The following RPUSD4 variants were observed in gnomAD, a reference collection of about 807,000 sequenced individuals.
RPUSD4 encodes pseudouridylate synthase RPUSD4, mitochondrial.
Under a neutral mutation model 35.4 loss-of-function variants are expected in RPUSD4, and 37 were observed. The observed-to-expected ratio is 1.04, with a 90% CI of 0.80 to 1.37. RPUSD4 has a LOEUF of 1.37. Among genes scored for constraint, RPUSD4 ranks in the 40% most tolerant of loss-of-function variants. RPUSD4 has a pLI of 0.00. For missense variants in RPUSD4, 507 were observed against 484.9 expected, an observed-to-expected ratio of 1.05 and a Z score of -0.43; for synonymous variants, 210 against 192.7, an observed-to-expected ratio of 1.09 and a Z score of -0.74.
intron 3 of RPUSD4, among the ~76,000 whole-genome samples, chr11:126,207,567 GAC>G (rs979150384): frequency 1.3e-5 from 2 of 152,230 alleles, no homozygotes; most frequent in African/African-American, 2.4e-5. Context: ...ACCTGGGCCA[GAC>G]ACAGTGGCTC....
chr11:126,203,261 C>G lies in RPUSD4; in HGVS notation c.*157G>C. ...CCCTGTAGCAGCTGAGTTGCTTTAC[C>G]TTATCCCACCTGGCTCTTACGCAGT... On this transcript the variant is annotated 3_prime_UTR_variant, in exon 7 of 7. Coordinates refer to ENST00000298317, the MANE Select transcript of RPUSD4 (RefSeq NM_032795.3). 1.8e-6 allele frequency: 2 copies of G among 1,091,602 alleles called. No individual in the cohort carries two copies. The highest frequency in any genetic ancestry group is 2.6e-6 in the Non-Finnish European group (2 of 763,392). The allele number at this position is 1,091,602 out of a possible 1,614,324, so 67.6% of individuals were successfully genotyped here. A position where few individuals can be genotyped will look rare whatever the true frequency, so the allele number is the denominator to read the frequency against.
chr11:126,209,722 C>T lies in RPUSD4; in HGVS notation c.356G>A (p.Gly119Asp). 1 of 1,611,360 alleles carries T rather than the reference C, an allele frequency of 6.2e-7. No individual in the cohort carries two copies. Among genetic ancestry groups the T allele is most frequent in the Non-Finnish European group, 8.5e-7 (1 of 1,179,094 alleles). ...INKPYGLPVH[G>D]GPGVQLCITD... is the part of the protein sequence containing the mutation. ...GATGCAGAGCTGGACCCCAGGGCCA[C>T]CTAAGAAGGAAAAAGCCAAAGGTTT... Residue 119 changes from glycine (G) to aspartate (D), a missense_variant and splice_region_variant, in exon 3 of 7, where the codon GGT becomes GAT. Gly to Asp is a moderately conservative substitution (Grantham distance 94). Coordinates refer to ENST00000298317, the MANE Select transcript of RPUSD4 (RefSeq NM_032795.3).
At chr11:126,203,750 CA>C in intron 6 of RPUSD4, 93 bp from the exon 7 acceptor site, 1 of 1,459,644 alleles carries the variant, frequency 6.9e-7, no homozygotes, top group Non-Finnish European at 9.2e-7. Context: ...TACAGGGAAC[CA>C]AAACTAACCC....
At chr11:126,209,468 G>T in intron 3 of RPUSD4, 53 bp downstream of exon 3, 1 of 1,472,226 alleles carries the variant, frequency 6.8e-7, no homozygotes, top group Non-Finnish European at 9.4e-7. Context: ...ATAAATAGGT[G>T]AAAGAAATGC....
At chr11:126,210,823 C>T in intron 2 of RPUSD4, 67 bp downstream of exon 2, 1 of 1,492,950 alleles carries the variant, frequency 6.7e-7, no homozygotes, top group Non-Finnish European at 9.1e-7. Context: ...CAAGTAACGT[C>T]TCAGTTTTCC....
intron 1 of RPUSD4, 163 bp downstream of exon 1, chr11:126,211,287 G>A: frequency 1.1e-6 from 1 of 950,852 alleles, no homozygotes; most frequent in Non-Finnish European, 1.6e-6. Context: ...GGAAAACACC[G>A]TACCCTTACT....
chr11:126,209,240 C>T, intron 3 of RPUSD4: 1 of 340,756 alleles, frequency 2.9e-6, no homozygotes, highest in South Asian at 3.6e-5. Context: ...ATCCTCCCAC[C>T]TCTGCCTCTC....
chr11:126,205,909 G>T, intron 3 of RPUSD4, 128 bp from the exon 4 acceptor site: 1 of 671,142 alleles, frequency 1.5e-6, no homozygotes, highest in Non-Finnish European at 2.4e-6. Flanking sequence ...GAAGGATCGT[G>T]CAAGATTCTC....
intron 3 of RPUSD4, 117 bp from the exon 4 acceptor site, chr11:126,205,898 T>C: frequency 1.4e-6 from 1 of 705,444 alleles, no homozygotes; most frequent in South Asian, 2.2e-5. Flanking sequence ...TTCTTATGAT[T>C]GAAGGATCGT....
chr11:126,204,366 G>A (rs758364583), intron 5 of RPUSD4, 38 bp from the exon 6 acceptor site: 1 of 1,494,272 alleles, frequency 6.7e-7, no homozygotes, highest in East Asian at 2.3e-5. Context: ...GAAAACTCGT[G>A]AGGAGCTACA....
chr11:126,211,156 C>A (rs1949860083), intron 1 of RPUSD4, 101 bp from the exon 2 acceptor site: 5 of 1,385,362 alleles, frequency 3.6e-6, no homozygotes, highest in Middle Eastern at 2.6e-4. Context: ...GAATGACTAT[C>A]TTTGCATCAG....
intron 2 of RPUSD4, among the ~76,000 whole-genome samples, chr11:126,210,418 G>A (rs1356771874): frequency 6.6e-6 from 1 of 151,738 alleles, no homozygotes; most frequent in African/African-American, 2.4e-5. Context: ...ATTCACTTCA[G>A]CTGTCCCTGA....
intron 2 of RPUSD4, among the ~76,000 whole-genome samples, chr11:126,210,531 ACACACACACACACACACACC>A (rs1949840880): frequency 1.3e-5 from 2 of 151,290 alleles, no homozygotes; most frequent in Middle Eastern, 3.4e-3. Flanking sequence ...ACACACACAC[ACACACACACACACACACACC>A]CCCTTTTTTC....
intron 5 of RPUSD4, 69 bp from the exon 6 acceptor site, chr11:126,204,397 A>T: frequency 8.7e-7 from 1 of 1,146,010 alleles, no homozygotes; most frequent in Non-Finnish European, 1.3e-6. Context: ...CAGTATTGGC[A>T]TCTGCTTCAA....
intron 2 of RPUSD4, among the ~76,000 whole-genome samples, chr11:126,210,204 C>A (rs1949830595): frequency 6.6e-6 from 1 of 152,074 alleles, no homozygotes; most frequent in Admixed American, 6.5e-5. Flanking sequence ...ATCTGGAAAA[C>A]AACTTCATTG....
Position 126,205,517 on chromosome 11 carries a change from C to G in RPUSD4, c.747G>C (p.Val249=). The G allele has an allele frequency of 6.2e-7, 1 of 1,614,284 alleles. No homozygotes were observed. The highest frequency in any genetic ancestry group is 1.1e-5 in the South Asian group (1 of 91,086). Residue 249 remains valine, a synonymous_variant, in exon 5 of 7, where the codon GTG becomes GTC. Transcript: ENST00000298317. ...GGGCGGAGGAGAGAGTGCTGCTGAGCACCTGGTACTGAGTTACAGCAACTT... is the reference window on the plus strand; with the variant it reads ...GGGCGGAGGAGAGAGTGCTGCTGAGGACCTGGTACTGAGTTACAGCAACTT... ...NAQVAVTQYQ[V]LSSTLSSALV...
chr11:126,209,658 G>A lies in RPUSD4; in HGVS notation c.420C>T (p.Gly140=). 2 of 1,614,194 alleles carry A rather than the reference G, an allele frequency of 1.2e-6. No individual in the cohort carries two copies. Among genetic ancestry groups the A allele is most frequent in the East Asian group, 2.2e-5 (1 of 44,888 alleles). The change falls in exon 3 of 7, where the codon GGC becomes GGT. Residue 140 remains glycine (G), a synonymous_variant. Coordinates refer to ENST00000298317, the MANE Select transcript of RPUSD4 (RefSeq NM_032795.3). Reference sequence around the variant, plus strand: ...ACAGATGCAAGGGCTCTGCCTTGTGGCCATGAAGCATCTTTGCCAGGATAG... The same window carrying A: ...ACAGATGCAAGGGCTCTGCCTTGTGACCATGAAGCATCTTTGCCAGGATAG... The part of the protein sequence containing the change: ...VLPILAKMLH[G]HKAEPLHLCH...
intron 2 of RPUSD4, 120 bp downstream of exon 2, chr11:126,210,770 C>T: frequency 2.9e-6 from 3 of 1,020,672 alleles, no homozygotes; most frequent in Non-Finnish European, 2.9e-6. Context: ...CGGTAGTTTA[C>T]AAAAGTTTAA....
chr11:126,206,858 A>G (rs1949779425), intron 3 of RPUSD4, among the ~76,000 whole-genome samples: 1 of 152,194 alleles, frequency 6.6e-6, no homozygotes. Context: ...ATCGTATTTT[A>G]CAGATTTTGT....
Sources: allele counts gnomAD v4.1 joint callset (sites outside exome capture counted in the v4.1 genomes callset), GRCh38; gene constraint gnomAD v4.1.1; transcripts MANE v1.5; gene names NCBI Gene and HGNC (gene_info 2026-07-23, HGNC 2026-07-21).